Variants in USP45 observed in about 807,000 individuals in gnomAD.
USP45 encodes the protein ubiquitin specific peptidase 45.
In USP45, 89 loss-of-function variants were observed where a neutral mutation model predicts 95.8. That is an observed-to-expected ratio of 0.93 (90% CI 0.78 to 1.11). USP45 has a LOEUF of 1.11. Ranked by LOEUF, USP45 falls within the 50% of genes least tolerant of loss-of-function variation. The probability of loss-of-function intolerance (pLI) is 0.00; values close to 1 mark genes in which losing one functional copy is unlikely to be tolerated. For missense variants in USP45, 898 were observed against 942.5 expected (o/e 0.95, Z 0.62); for synonymous variants, 281 against 316.2 (o/e 0.89, Z 1.18).
At chr6:99,480,466 G>C (rs998236516) in intron 8 of USP45, among the ~76,000 whole-genome samples, 3 of 152,086 alleles carry the variant, frequency 2.0e-5, no homozygotes, top group African/African-American at 7.2e-5. Flanking sequence ...ACCTGAGGTT[G>C]GGAGTTCAAG....
rs188099051 is a variant in USP45 at position 99,470,688 on chromosome 6, C to T, written c.934-2070G>A. 3.3e-5 allele frequency among the ~76,000 whole-genome samples: 5 copies of T among 152,204 alleles called. No homozygotes were observed. In the East Asian group the frequency reaches 7.7e-4, roughly 24 times the overall value. ...AATTTGAAAGTTGATATAATTCAGA[C>T]ATTGTCTAAGCTAAAGTTGGCTTTT... On this transcript the variant is annotated intron_variant, in intron 9 of 17. Coordinates refer to ENST00000500704, the MANE Select transcript of USP45 (RefSeq NM_001346022.3).
rs575707792 is a variant in USP45 at position 99,436,870 on chromosome 6, C to T, written c.2314+376G>A. 2.3e-3 allele frequency among the ~76,000 whole-genome samples: 345 copies of T among 152,058 alleles called. 1 individual carries two copies. The highest frequency in any genetic ancestry group is 8.1e-3 in the African/African-American group (334 of 41,490). ...ATCCCAGCACTTTGGGAGGCCGAGG[C>T]GGGCAAATCACTTGAGGTCAGGAGT... On this transcript the variant is annotated intron_variant, in intron 17 of 17. Transcript: ENST00000500704.
intron 8 of USP45, among the ~76,000 whole-genome samples, chr6:99,479,746 A>G (rs1791896269): frequency 6.6e-6 from 1 of 152,212 alleles, no homozygotes; most frequent in Non-Finnish European, 1.5e-5. Context: ...TGAAAACTCT[A>G]TAGTTATTAT....
At chr6:99,455,144 C>CA (rs1784772399) in intron 13 of USP45, among the ~76,000 whole-genome samples, 1 of 150,588 alleles carries the variant, frequency 6.6e-6, no homozygotes, top group African/African-American at 2.4e-5. Context: ...GGAGATTTCT[C>CA]AAAAAACTAA....
At chr6:99,435,950 A>C in intron 17 of USP45, 104 bp from the exon 18 acceptor site, 1 of 1,197,456 alleles carries the variant, frequency 8.4e-7, no homozygotes, top group Non-Finnish European at 1.1e-6. Context: ...TCTAATGCCA[A>C]ATTTTACCTG....
intron 8 of USP45, among the ~76,000 whole-genome samples, chr6:99,481,693 A>T (rs1250013710): frequency 6.6e-6 from 1 of 151,510 alleles, no homozygotes; most frequent in African/African-American, 2.4e-5. Flanking sequence ...AGTAATCCCC[A>T]CTCTCTACTG....
At chr6:99,497,235 T>G (rs1413907746) in intron 5 of USP45, among the ~76,000 whole-genome samples, 1 of 152,164 alleles carries the variant, frequency 6.6e-6, no homozygotes, top group Non-Finnish European at 1.5e-5. Context: ...ATATGACCTT[T>G]TTATTCCATG....
At position 99,432,629 on chromosome 6, in the gene USP45, CA is replaced by C. The variant is rs1266816234; in HGVS notation, c.*3086del. ...TTTGAATTCATGATTTCTACGTAAA[CA>C]AAAACATCATAAATATCTAGAAATA... is the stretch of plus-strand genomic sequence containing the variant. On this transcript the variant is annotated 3_prime_UTR_variant, in exon 18 of 18. Transcript: ENST00000500704. 6.6e-6 allele frequency: 1 copy of C among 152,052 alleles called. No individual in the cohort carries two copies. The highest frequency in any genetic ancestry group is 2.4e-5 in the African/African-American group (1 of 41,386). 9.4% of individuals were successfully genotyped at this position (152,052 alleles called of 1,614,324 possible). A position where few individuals can be genotyped will look rare whatever the true frequency, so the allele number is the denominator to read the frequency against.
chr6:99,453,595 A>G (rs755282241), intron 13 of USP45, among the ~76,000 whole-genome samples: 8 of 152,236 alleles, frequency 5.3e-5, no homozygotes, highest in Admixed American at 2.6e-4. Context: ...AGCAATCTAT[A>G]GACTCCATGA....
chr6:99,460,712 GA>G (rs1786230542), intron 13 of USP45: 3 of 873,552 alleles, frequency 3.4e-6, no homozygotes, highest in African/African-American at 1.8e-5. Flanking sequence ...TAGAAAGATT[GA>G]AATTTTCTTA....
intron 9 of USP45, among the ~76,000 whole-genome samples, chr6:99,475,011 T>A (rs1047656903): frequency 6.6e-6 from 1 of 152,204 alleles, no homozygotes; most frequent in African/African-American, 2.4e-5. Flanking sequence ...TCTAAGAGGC[T>A]GGGACTCCTC....
In USP45 at chr6:99,453,126, T is replaced by C. The variant is rs187332886; in HGVS notation, c.1309-6663A>G. On this transcript the variant is annotated intron_variant, in intron 13 of 17. Transcript: ENST00000500704. ...CACCAACATGGCACATGTATACATA[T>C]GTAACAAACCTGCACGTTGTGCACA... Among the ~76,000 whole-genome samples the C allele has an allele frequency of 3.0e-3, 442 of 146,344 alleles. 2 individuals carry two copies. The highest frequency in any genetic ancestry group is 0.011 in the African/African-American group (429 of 39,462).
chr6:99,467,270 A>G (rs1011649444), intron 10 of USP45, among the ~76,000 whole-genome samples: 6 of 152,204 alleles, frequency 3.9e-5, no homozygotes, highest in Non-Finnish European at 4.4e-5. Flanking sequence ...AAAAAATGCC[A>G]ATGACTTAGT....
intron 12 of USP45, 62 bp from the exon 13 acceptor site, chr6:99,464,809 ATCT>A (rs1787512110): frequency 3.4e-6 from 5 of 1,490,216 alleles, no homozygotes; most frequent in Non-Finnish European, 4.5e-6. Context: ...GGATGTCCTC[ATCT>A]TAAAATTTTT....
intron 8 of USP45, among the ~76,000 whole-genome samples, chr6:99,481,493 AC>A (rs1469140578): frequency 6.6e-6 from 1 of 152,208 alleles, no homozygotes; most frequent in Admixed American, 6.5e-5. Context: ...GCATACAATG[AC>A]CTAGTAACTT....
chr6:99,492,630 G>C (rs548809636), intron 5 of USP45, among the ~76,000 whole-genome samples: 1 of 150,582 alleles, frequency 6.6e-6, no homozygotes, highest in Non-Finnish European at 1.5e-5. Flanking sequence ...AAGTAGTTGG[G>C]ATTACAGGCA....
intron 2 of USP45, 42 bp downstream of exon 2, chr6:99,510,079 T>G (rs1321506208): frequency 6.9e-7 from 1 of 1,448,272 alleles, no homozygotes; most frequent in Non-Finnish European, 9.7e-7. Flanking sequence ...GCATTGTTAT[T>G]TCTTCTCAAC....
At chr6:99,467,525 A>G (rs907441889) in intron 10 of USP45, among the ~76,000 whole-genome samples, 1 of 152,014 alleles carries the variant, frequency 6.6e-6, no homozygotes, top group African/African-American at 2.4e-5. Flanking sequence ...ATCATTTAAA[A>G]TATTAGAGCA....
Position 99,515,403 on chromosome 6 carries a change from G to T in USP45, c.-22C>A, listed in dbSNP as rs1257847203. On this transcript the variant is annotated 5_prime_UTR_variant, in exon 1 of 18. Coordinates refer to ENST00000500704, the MANE Select transcript of USP45 (RefSeq NM_001346022.3). ...CGTTCTCAACTCACCCCGCCGGGCC[G>T]GGCCGCAGCGTCTACAACCTGGGGA... The T allele has an allele frequency of 1.3e-5, 2 of 152,270 alleles. No homozygotes were observed. Among genetic ancestry groups the T allele is most frequent in the African/African-American group, 4.8e-5 (2 of 41,460 alleles). The allele number at this position is 152,270 out of a possible 1,614,324, so 9.4% of individuals were successfully genotyped here. A position where few individuals can be genotyped will look rare whatever the true frequency, so the allele number is the denominator to read the frequency against.
Sources: allele counts gnomAD v4.1 joint callset (sites outside exome capture counted in the v4.1 genomes callset), GRCh38; gene constraint gnomAD v4.1.1; transcripts MANE v1.5; gene names NCBI Gene and HGNC (gene_info 2026-07-23, HGNC 2026-07-21).